Variants in LDLRAD3 observed in about 807,000 individuals in gnomAD.
LDLRAD3 encodes low density lipoprotein receptor class A domain containing 3.
In LDLRAD3, 20 loss-of-function variants were observed where a neutral mutation model predicts 29.4. The ratio of observed to expected loss-of-function variants is 0.68; its 90% CI spans 0.48 to 0.99. The LOEUF (loss-of-function observed/expected upper bound fraction) is 0.99. Ranked by LOEUF, LDLRAD3 falls within the 50% of genes least tolerant of loss-of-function variation. The pLI is 0.00. For synonymous variants in LDLRAD3, 157 were observed against 192.7 expected (o/e 0.81, Z 1.53); for missense variants, 420 against 454.3 (o/e 0.92, Z 0.69).
intron 4 of LDLRAD3, among the ~76,000 whole-genome samples, chr11:36,112,564 T>C (rs980822608): frequency 1.3e-5 from 2 of 152,246 alleles, no homozygotes; most frequent in African/African-American, 4.8e-5. Context: ...TCAGTCATTG[T>C]TGACCAAACC....
chr11:36,035,528 A>G (rs1852292303), intron 1 of LDLRAD3, among the ~76,000 whole-genome samples: 1 of 152,180 alleles, frequency 6.6e-6, no homozygotes, highest in African/African-American at 2.4e-5. Context: ...GCTGGAGGTT[A>G]CAAATCCCAA....
intron 4 of LDLRAD3, among the ~76,000 whole-genome samples, chr11:36,122,502 A>T (rs1853773868): frequency 6.6e-6 from 1 of 152,196 alleles, no homozygotes; most frequent in Non-Finnish European, 1.5e-5. Context: ...GGCACATGGT[A>T]GGACTCCATA....
At position 36,216,023 on chromosome 11, in the gene LDLRAD3, A is replaced by T. The variant is rs1479677273; in HGVS notation, c.455-11062A>T. Reference sequence around the variant, plus strand: ...CAAATGTAAGACGCGGCAGAGTGTCATACAGCCCCCACAGTGGCATCTCTC... The same window carrying T: ...CAAATGTAAGACGCGGCAGAGTGTCTTACAGCCCCCACAGTGGCATCTCTC... On this transcript the variant is annotated intron_variant, in intron 4 of 5. Transcript: ENST00000315571. Among the ~76,000 whole-genome samples the T allele has an allele frequency of 5.9e-5, 9 of 152,294 alleles. No individual in the cohort carries two copies. The East Asian group carries it at 1.4e-3, about 23-fold the overall frequency.
chr11:36,113,573 C>T (rs1308180839), intron 4 of LDLRAD3, among the ~76,000 whole-genome samples: 1 of 152,094 alleles, frequency 6.6e-6, no homozygotes, highest in Non-Finnish European at 1.5e-5. Context: ...ATTCACATGA[C>T]CACACCTAGC....
intron 1 of LDLRAD3, among the ~76,000 whole-genome samples, chr11:35,980,335 G>A (rs1048902821): frequency 2.0e-5 from 3 of 152,118 alleles, no homozygotes; most frequent in Non-Finnish European, 4.4e-5. Flanking sequence ...TGGGATGGGC[G>A]TTATACGGCT....
chr11:35,973,260 G>A (rs563781781), intron 1 of LDLRAD3, among the ~76,000 whole-genome samples: 6 of 152,186 alleles, frequency 3.9e-5, no homozygotes, highest in Non-Finnish European at 8.8e-5. Context: ...TATTCTGTGT[G>A]TATGGTTCAT....
intron 2 of LDLRAD3, among the ~76,000 whole-genome samples, chr11:36,072,654 T>C (rs2133247588): frequency 6.6e-6 from 1 of 152,362 alleles, no homozygotes; most frequent in Admixed American, 6.5e-5. Flanking sequence ...AACTGGACTA[T>C]AGACCAGTCT....
chr11:36,219,759 C>T (rs1249210341), intron 4 of LDLRAD3, among the ~76,000 whole-genome samples: 2 of 152,100 alleles, frequency 1.3e-5, no homozygotes, highest in East Asian at 3.8e-4. Context: ...AAACACAAAC[C>T]ATTAAGAAGG....
At chr11:36,016,794 GT>G (rs1394508897) in intron 1 of LDLRAD3, among the ~76,000 whole-genome samples, 1 of 152,058 alleles carries the variant, frequency 6.6e-6, no homozygotes, top group Non-Finnish European at 1.5e-5. Flanking sequence ...TATACATATT[GT>G]TTTCCAACTT....
At chr11:36,062,929 G>T (rs1027099378) in intron 2 of LDLRAD3, among the ~76,000 whole-genome samples, 10 of 152,162 alleles carry the variant, frequency 6.6e-5, no homozygotes, top group African/African-American at 2.4e-4. Context: ...AACTAGCTTT[G>T]TATAGCAGGG....
intron 4 of LDLRAD3, among the ~76,000 whole-genome samples, chr11:36,205,182 C>T (rs577336854): frequency 6.6e-6 from 1 of 152,156 alleles, no homozygotes; most frequent in Non-Finnish European, 1.5e-5. Context: ...CAGATTAAGG[C>T]AACAAAGCCA....
intron 1 of LDLRAD3, among the ~76,000 whole-genome samples, chr11:36,003,159 G>A (rs1851845053): frequency 6.6e-6 from 1 of 152,194 alleles, no homozygotes; most frequent in African/African-American, 2.4e-5. Flanking sequence ...GTGATGAGAG[G>A]GTGATCTGGC....
In LDLRAD3 at chr11:36,101,878, C is replaced by G. The variant is rs139472994; in HGVS notation, c.454+3417C>G. The G allele has an allele frequency of 2.0e-3, 686 of 345,442 alleles. 7 individuals carry two copies. The highest frequency in any genetic ancestry group is 0.016 in the African/African-American group (664 of 42,434). 21.4% of individuals were successfully genotyped at this position (345,442 alleles called of 1,614,324 possible). On this transcript the variant is annotated intron_variant, in intron 4 of 5. Transcript: ENST00000315571. Reference sequence around the variant, plus strand: ...CCTATGCCACATAGGATTTGACCCACTGTCATCTTTTTTTTTTTTTTTTTT... The same window carrying G: ...CCTATGCCACATAGGATTTGACCCAGTGTCATCTTTTTTTTTTTTTTTTTT...
intron 1 of LDLRAD3, among the ~76,000 whole-genome samples, chr11:35,963,439 T>C (rs937264185): frequency 1.3e-5 from 2 of 151,678 alleles, no homozygotes; most frequent in African/African-American, 4.8e-5. Flanking sequence ...GTGTGTTTTT[T>C]TTTTTTTAAC....
In LDLRAD3 at chr11:36,078,341, G is replaced by A. The variant is rs140594696; in HGVS notation, c.194-3312G>A. ...TCATGGTGCCCAGGTTTGTACCAAC[G>A]GGCACCTGCAGGGCAGTGCCAAGCT... is the stretch of plus-strand genomic sequence containing the variant. On this transcript the variant is annotated intron_variant, in intron 2 of 5. Coordinates refer to ENST00000315571, the MANE Select transcript of LDLRAD3 (RefSeq NM_174902.4). 1.1e-3 allele frequency among the ~76,000 whole-genome samples: 172 copies of A among 152,270 alleles called. 5 individuals carry two copies. The East Asian group carries it at 0.032, about 29-fold the overall frequency.
chr11:36,197,719 G>A (rs1215371155), intron 4 of LDLRAD3: 1 of 152,138 alleles, frequency 6.6e-6, no homozygotes, highest in Non-Finnish European at 1.5e-5. Flanking sequence ...TGTCCTTATG[G>A]AGCACCAAGT....
chr11:36,042,810 C>T (rs974222225), intron 2 of LDLRAD3, among the ~76,000 whole-genome samples: 1 of 152,136 alleles, frequency 6.6e-6, no homozygotes. Context: ...CAGCTGTCTA[C>T]ACTCCAAGGA....
intron 4 of LDLRAD3, among the ~76,000 whole-genome samples, chr11:36,111,235 G>A (rs146644107): frequency 7.7e-4 from 118 of 152,274 alleles, no homozygotes; most frequent in African/African-American, 2.8e-3. Context: ...GTCTTACTGA[G>A]CCCTGCTAGC....
At chr11:35,950,703 T>C (rs1187201668) in intron 1 of LDLRAD3, among the ~76,000 whole-genome samples, 1 of 152,202 alleles carries the variant, frequency 6.6e-6, no homozygotes, top group Non-Finnish European at 1.5e-5. Flanking sequence ...CTCCCATTCA[T>C]TGAAGGTTTA....
Sources: allele counts gnomAD v4.1 joint callset (sites outside exome capture counted in the v4.1 genomes callset), GRCh38; gene constraint gnomAD v4.1.1; transcripts MANE v1.5; gene names NCBI Gene and HGNC (gene_info 2026-07-23, HGNC 2026-07-21).